ADAMTSL1: variants seen among roughly 807,000 people sequenced by gnomAD.
The protein encoded by ADAMTSL1 is ADAMTS-like protein 1.
ADAMTSL1 carries 126 observed loss-of-function variants against 201.8 expected under a neutral mutation model. The observed-to-expected ratio is 0.62, with a 90% CI of 0.54 to 0.72. The LOEUF is 0.72. Ranked by LOEUF, ADAMTSL1 falls within the 30% of genes least tolerant of loss-of-function variation. ADAMTSL1 has a pLI of 0.00. For missense variants in ADAMTSL1, 2,679 were observed against 2,277.8 expected (o/e 1.18, Z -3.59); for synonymous variants, 1,121 against 903.4 (o/e 1.24, Z -4.32).
At chr9:18,845,149 T>G (rs1826019268) in intron 23 of ADAMTSL1, among the ~76,000 whole-genome samples, 1 of 152,214 alleles carries the variant, frequency 6.6e-6, no homozygotes, top group Admixed American at 6.5e-5. Context: ...CTGGGAGCTG[T>G]AGACCGGAGC....
At chr9:18,520,730 T>C (rs553474540) in intron 2 of ADAMTSL1, among the ~76,000 whole-genome samples, 28 of 152,322 alleles carry the variant, frequency 1.8e-4, no homozygotes, top group South Asian at 1.2e-3. Flanking sequence ...ACCTTGTTGT[T>C]TCTTGTATTA....
intron 16 of ADAMTSL1, among the ~76,000 whole-genome samples, chr9:18,766,419 T>C (rs1022861946): frequency 6.6e-6 from 1 of 152,138 alleles, no homozygotes; most frequent in African/African-American, 2.4e-5. Flanking sequence ...GTGTGGAGAA[T>C]AGAGTGTAGA....
chr9:18,505,012 G>A, intron 2 of ADAMTSL1, 56 bp downstream of exon 2: 1 of 1,560,038 alleles, frequency 6.4e-7, no homozygotes, highest in South Asian at 1.2e-5. Context: ...CCGGTTTGAG[G>A]CATGCTTTTG....
intron 28 of ADAMTSL1, chr9:18,907,848 C>A: frequency 6.2e-6 from 1 of 161,760 alleles, no homozygotes. Context: ...TCTGTGCCAA[C>A]ACTGAACTAG....
intron 7 of ADAMTSL1, among the ~76,000 whole-genome samples, chr9:18,644,401 T>G (rs1415552492): frequency 1.3e-5 from 2 of 152,012 alleles, no homozygotes; most frequent in Non-Finnish European, 2.9e-5. Flanking sequence ...TTAATTATTA[T>G]TATACTTTAA....
intron 2 of ADAMTSL1, among the ~76,000 whole-genome samples, chr9:18,452,231 C>G (rs1228496230): frequency 6.6e-6 from 1 of 152,084 alleles, no homozygotes; most frequent in Non-Finnish European, 1.5e-5. Context: ...CCATTTATAA[C>G]AAATTTACTC....
chr9:18,273,441 T>A (rs7023176), intron 2 of ADAMTSL1, among the ~76,000 whole-genome samples: 90,377 of 152,032 alleles, frequency 0.59, 27,628 homozygotes, highest in Non-Finnish European at 0.67. Context: ...TGGATATAGC[T>A]GTCTCTGAGC....
chr9:18,844,651 C>T (rs1185655062), intron 23 of ADAMTSL1, among the ~76,000 whole-genome samples: 1 of 152,242 alleles, frequency 6.6e-6, no homozygotes, highest in African/African-American at 2.4e-5. Flanking sequence ...GTGGAGCCTA[C>T]AGAGGCAGGC....
chr9:17,977,716 ATACAATC>A (rs1252022660), intron 1 of ADAMTSL1, among the ~76,000 whole-genome samples: 4 of 152,088 alleles, frequency 2.6e-5, no homozygotes, highest in Non-Finnish European at 5.9e-5. Context: ...AAGGTCTAAC[ATACAATC>A]TATTCTGCAG....
chr9:18,905,796 C>A lies in ADAMTSL1; in HGVS notation c.4866C>A (p.Cys1622Ter). 6.2e-7 allele frequency: 1 copy of A among 1,613,214 alleles called. No homozygotes were observed. The highest frequency in any genetic ancestry group is 8.5e-7 in the Non-Finnish European group (1 of 1,179,602). The change falls in exon 27 of 29, where the codon TGC becomes TGA. Residue 1622 changes from cysteine to a stop codon, truncating the protein, a stop_gained. Transcript: ENST00000380548. LOFTEE classifies it high-confidence loss of function. ...FSSWGQCNGP[C>*]IGPHLAVQHR... ...CTGCTTTCCAGTGCAATGGGCCTTGCATCGGGCCTCACCTAGCTGTGCAAC... is the reference window on the plus strand; with the variant it reads ...CTGCTTTCCAGTGCAATGGGCCTTGAATCGGGCCTCACCTAGCTGTGCAAC...
intron 2 of ADAMTSL1, among the ~76,000 whole-genome samples, chr9:18,462,030 G>A (rs1340261148): frequency 6.6e-6 from 1 of 151,790 alleles, no homozygotes; most frequent in Non-Finnish European, 1.5e-5. Flanking sequence ...ATCAGCTTTT[G>A]GTTGAAAAAA....
intron 1 of ADAMTSL1, among the ~76,000 whole-genome samples, chr9:18,022,803 A>G (rs935901818): frequency 3.3e-5 from 5 of 152,050 alleles, no homozygotes; most frequent in African/African-American, 1.2e-4. Context: ...CTCTATTACT[A>G]TTTACTCTGA....
chr9:18,316,895 A>C (rs887250023), intron 2 of ADAMTSL1, among the ~76,000 whole-genome samples: 4 of 150,520 alleles, frequency 2.7e-5, no homozygotes, highest in Non-Finnish European at 5.9e-5. Context: ...CGCAAGGAAG[A>C]TAAAACAGTA....
At chr9:18,000,642 G>A (rs965310154) in intron 1 of ADAMTSL1, among the ~76,000 whole-genome samples, 23 of 152,138 alleles carry the variant, frequency 1.5e-4, no homozygotes, top group African/African-American at 4.3e-4. Flanking sequence ...TTCACTTAGC[G>A]GATGTTTAAT....
intron 1 of ADAMTSL1, among the ~76,000 whole-genome samples, chr9:18,081,298 G>A (rs1180507573): frequency 6.6e-6 from 1 of 151,774 alleles, no homozygotes; most frequent in Non-Finnish European, 1.5e-5. Flanking sequence ...AATATTCAGA[G>A]TAATTGTTTT....
chr9:18,062,688 A>G (rs1822512860), intron 1 of ADAMTSL1, among the ~76,000 whole-genome samples: 1 of 152,202 alleles, frequency 6.6e-6, no homozygotes, highest in Non-Finnish European at 1.5e-5. Context: ...TAAAAATTTT[A>G]AAGTGCATAA....
intron 2 of ADAMTSL1, among the ~76,000 whole-genome samples, chr9:18,240,839 C>G (rs1831032455): frequency 6.6e-6 from 1 of 152,142 alleles, no homozygotes. Flanking sequence ...GCTGCTTTAC[C>G]TTGCATTTTT....
At chr9:18,071,046 G>A (rs1822940845) in intron 1 of ADAMTSL1, among the ~76,000 whole-genome samples, 1 of 152,152 alleles carries the variant, frequency 6.6e-6, no homozygotes, top group South Asian at 2.1e-4. Context: ...GGGGTCAGGG[G>A]ACTAAGGATC....
intron 2 of ADAMTSL1, among the ~76,000 whole-genome samples, chr9:18,246,051 C>A (rs113015687): frequency 1.2e-3 from 179 of 152,238 alleles, no homozygotes; most frequent in African/African-American, 3.3e-3. Context: ...CTACCGGCTG[C>A]TGTGGGTAAA....
Sources: allele counts gnomAD v4.1 joint callset (sites outside exome capture counted in the v4.1 genomes callset), GRCh38; gene constraint gnomAD v4.1.1; transcripts MANE v1.5; gene names NCBI Gene and HGNC (gene_info 2026-07-23, HGNC 2026-07-21).